Variants in DAB1 observed in about 807,000 individuals in gnomAD.
The protein encoded by DAB1 is disabled homolog 1.
DAB1 carries 15 observed loss-of-function variants against 64.6 expected under a neutral mutation model. The ratio of observed to expected loss-of-function variants is 0.23; its 90% CI spans 0.16 to 0.36. The LOEUF (loss-of-function observed/expected upper bound fraction) is 0.36. DAB1 is among the 10% of genes least tolerant of loss of function. The probability of loss-of-function intolerance (pLI) is 1.00; values close to 1 mark genes in which losing one functional copy is unlikely to be tolerated. For synonymous variants in DAB1, 235 were observed against 251.9 expected (o/e 0.93, Z 0.64); for missense variants, 596 against 706.7 (o/e 0.84, Z 1.78).
At chr1:57,666,704 C>A (rs1232329522) in intron 6 of DAB1, among the ~76,000 whole-genome samples, 1 of 152,130 alleles carries the variant, frequency 6.6e-6, no homozygotes, top group East Asian at 1.9e-4. Flanking sequence ...CCACTTCTCA[C>A]CATTTCTCAT....
chr1:58,502,189 A>C lies in DAB1; in HGVS notation n.257+3871T>G, dbSNP rs556402709. Among the ~76,000 whole-genome samples the C allele has an allele frequency of 2.0e-5, 3 of 152,338 alleles. No homozygotes were observed. The East Asian group carries it at 5.8e-4, about 29-fold the overall frequency. On this transcript the variant is annotated intron_variant and non_coding_transcript_variant, in intron 3 of 20. Coordinates refer to the DAB1 transcript ENST00000485760. ...AAGAAATAAAAATATACAATCTTCA[A>C]TAAGCTAAAGTTTAAAAATCAAAAT...
intron 7 of DAB1, among the ~76,000 whole-genome samples, chr1:57,448,980 C>T (rs1413171685): frequency 6.6e-6 from 1 of 152,140 alleles, no homozygotes; most frequent in Non-Finnish European, 1.5e-5. Flanking sequence ...TCTCTGTGCT[C>T]GACTTTGGAC....
chr1:58,057,890 T>C (rs76960738), intron 5 of DAB1, among the ~76,000 whole-genome samples: 2 of 151,966 alleles, frequency 1.3e-5, no homozygotes, highest in African/African-American at 4.8e-5. Flanking sequence ...TGTTTTCCAC[T>C]TGACCACCTC....
At chr1:57,448,630 T>A (rs376293172) in intron 7 of DAB1, among the ~76,000 whole-genome samples, 9 of 152,308 alleles carry the variant, frequency 5.9e-5, no homozygotes, top group African/African-American at 1.7e-4. Flanking sequence ...AAATTCTTGA[T>A]CAAGACATTG....
intron 4 of DAB1, among the ~76,000 whole-genome samples, chr1:58,241,543 T>C (rs1660297709): frequency 6.6e-6 from 1 of 151,910 alleles, no homozygotes; most frequent in African/African-American, 2.4e-5. Context: ...ACTAAACTTC[T>C]AGGGAAGGAA....
chr1:57,506,933 C>T (rs1215647307), intron 7 of DAB1, among the ~76,000 whole-genome samples: 1 of 152,100 alleles, frequency 6.6e-6, no homozygotes, highest in Non-Finnish European at 1.5e-5. Context: ...CTGCTTCTAC[C>T]TTTTTCAGGT....
chr1:58,226,396 TA>T (rs536296690), intron 4 of DAB1, among the ~76,000 whole-genome samples: 68 of 143,870 alleles, frequency 4.7e-4, no homozygotes, highest in East Asian at 2.4e-3. Context: ...CCCAGATGAT[TA>T]AAAAAAAAAA....
chr1:58,157,176 G>A (rs1314428341), intron 4 of DAB1, among the ~76,000 whole-genome samples: 4 of 152,094 alleles, frequency 2.6e-5, no homozygotes, highest in Admixed American at 2.6e-4. Context: ...GGAAAAGAAA[G>A]ACTCTCCTTA....
At chr1:57,413,912 T>C (rs1031433222) in intron 1 of DAB1, among the ~76,000 whole-genome samples, 1 of 152,106 alleles carries the variant, frequency 6.6e-6, no homozygotes, top group Admixed American at 6.6e-5. Context: ...ACTGCAGATG[T>C]GATACAAATA....
intron 7 of DAB1, among the ~76,000 whole-genome samples, chr1:57,070,389 C>G (rs1208247062): frequency 6.6e-6 from 1 of 152,276 alleles, no homozygotes; most frequent in South Asian, 2.1e-4. Flanking sequence ...TCTGTTTGAA[C>G]AGACCACATG....
intron 2 of DAB1, among the ~76,000 whole-genome samples, chr1:57,188,628 C>A (rs1165146648): frequency 7.5e-6 from 1 of 132,768 alleles, no homozygotes; most frequent in Non-Finnish European, 1.6e-5. Context: ...GTCAAAGTCC[C>A]AATGCTTTCC....
chr1:57,530,538 G>A (rs529133702), intron 7 of DAB1, among the ~76,000 whole-genome samples: 1 of 152,228 alleles, frequency 6.6e-6, no homozygotes, highest in African/African-American at 2.4e-5. Context: ...AATTAAATAT[G>A]ATATTTATGG....
At chr1:57,883,456 G>A (rs1050676919) in intron 1 of DAB1, among the ~76,000 whole-genome samples, 5 of 152,340 alleles carry the variant, frequency 3.3e-5, no homozygotes, top group African/African-American at 1.2e-4. Flanking sequence ...ACGATGAAGG[G>A]TAATAAGGCA....
intron 1 of DAB1, among the ~76,000 whole-genome samples, chr1:57,399,822 C>T (rs1186724018): frequency 6.6e-6 from 1 of 152,164 alleles, no homozygotes; most frequent in African/African-American, 2.4e-5. Flanking sequence ...TCAGCTCCAG[C>T]CATAAATAGT....
intron 4 of DAB1, among the ~76,000 whole-genome samples, chr1:58,201,809 G>T (rs953786605): frequency 1.3e-5 from 2 of 152,222 alleles, no homozygotes; most frequent in Admixed American, 6.5e-5. Context: ...TAAAATCTGG[G>T]ACAAATTGTG....
intron 6 of DAB1, among the ~76,000 whole-genome samples, chr1:57,800,472 C>A (rs1651071322): frequency 6.6e-6 from 1 of 152,148 alleles, no homozygotes; most frequent in Non-Finnish European, 1.5e-5. Context: ...TAATATTCTG[C>A]CATCACTCTT....
intron 4 of DAB1, among the ~76,000 whole-genome samples, chr1:58,326,966 C>A (rs886398652): frequency 6.6e-6 from 1 of 152,144 alleles, no homozygotes; most frequent in African/African-American, 2.4e-5. Flanking sequence ...CCCATGTGAA[C>A]CATGCTTTAA....
intron 4 of DAB1, among the ~76,000 whole-genome samples, chr1:57,106,265 C>CA (rs68128260): frequency 1.3e-5 from 2 of 151,358 alleles, no homozygotes; most frequent in Non-Finnish European, 2.9e-5. Context: ...ACACCCCCCC[C>CA]CATCAGTATT....
chr1:57,073,019 T>G (rs1489837931), intron 4 of DAB1, among the ~76,000 whole-genome samples: 3 of 152,144 alleles, frequency 2.0e-5, no homozygotes, highest in Non-Finnish European at 2.9e-5. Context: ...CAACATCAAC[T>G]CTTTTTATCC....
Sources: gnomAD v4.1 joint callset for allele counts (sites outside exome capture counted in the v4.1 genomes callset) on GRCh38, gnomAD v4.1.1 for gene constraint, MANE v1.5 for transcripts, NCBI Gene and HGNC (gene_info 2026-07-23, HGNC 2026-07-21) for gene names.